CUBN: variants seen among roughly 807,000 people sequenced by gnomAD.
CUBN encodes 460 kDa receptor.
CUBN carries 282 observed loss-of-function variants against 405.3 expected under a neutral mutation model. The observed-to-expected ratio is 0.70, with a 90% CI of 0.63 to 0.77. The LOEUF is 0.77. Ranked by LOEUF, CUBN falls within the 30% of genes least tolerant of loss-of-function variation. The pLI is 0.00. For missense variants in CUBN, 4,514 were observed against 4,475.2 expected (o/e 1.01, Z -0.25); for synonymous variants, 1,684 against 1,617.0 (o/e 1.04, Z -0.99).
chr10:17,068,563 C>T (rs1361894885), intron 20 of CUBN, 42 bp downstream of exon 20: 4 of 1,503,414 alleles, frequency 2.7e-6, no homozygotes, highest in Non-Finnish European at 3.7e-6. Context: ...TATTCTGATA[C>T]AAGCCCAAGA....
At chr10:16,932,360 C>T (rs543803530) in intron 40 of CUBN, among the ~76,000 whole-genome samples, 123 of 152,256 alleles carry the variant, frequency 8.1e-4, no homozygotes, top group Non-Finnish European at 1.4e-3. Context: ...GAAATACTGA[C>T]GTGGAGGATG....
At position 16,920,029 on chromosome 10, in the gene CUBN, G is replaced by A. The variant is rs529856485; in HGVS notation, c.6755C>T (p.Ala2252Val). ...CTGTATGCGTGTTTCCGGTGGAGCC[G>A]CTAAGATCCAAATGCAATCAGCGTG... ...PPHADCIWIL[A>V]APPETRIQLQ... The change falls in exon 44 of 67, where the codon GCG (alanine) becomes GTG (valine). Residue 2252 changes from alanine to valine, a missense_variant. Transcript: ENST00000377833. 3.1e-6 allele frequency: 5 copies of A among 1,613,726 alleles called. No homozygotes were observed. The highest frequency in any genetic ancestry group is 2.2e-5 in the South Asian group (2 of 91,060).
intron 65 of CUBN, 75 bp from the exon 66 acceptor site, chr10:16,829,115 AC>A (rs1490650364): frequency 3.7e-6 from 4 of 1,087,984 alleles, no homozygotes; most frequent in Non-Finnish European, 5.5e-6. Flanking sequence ...AGGCAATAAG[AC>A]TTTATTTTCT....
chr10:17,085,173 T>C (rs1836077824), intron 16 of CUBN, among the ~76,000 whole-genome samples: 1 of 152,156 alleles, frequency 6.6e-6, no homozygotes, highest in Non-Finnish European at 1.5e-5. Context: ...TGGCTGGAAG[T>C]GAAGCTCTAG....
At chr10:16,931,660 T>C (rs982078314) in intron 40 of CUBN, among the ~76,000 whole-genome samples, 4 of 152,216 alleles carry the variant, frequency 2.6e-5, no homozygotes, top group African/African-American at 9.6e-5. Flanking sequence ...ATTTCATTTA[T>C]TACTTTCCTT....
intron 40 of CUBN, 97 bp from the exon 41 acceptor site, chr10:16,928,400 A>G (rs1842259447): frequency 2.3e-6 from 3 of 1,332,538 alleles, no homozygotes; most frequent in Non-Finnish European, 2.1e-6. Context: ...CATTTTTCTC[A>G]GAACATCAGG....
intron 32 of CUBN, among the ~76,000 whole-genome samples, chr10:16,953,157 G>C (rs1030386132): frequency 6.6e-6 from 1 of 152,148 alleles, no homozygotes; most frequent in Non-Finnish European, 1.5e-5. Flanking sequence ...TTTTACAGGC[G>C]ACTTTGGAGA....
At chr10:16,915,679 T>G in intron 46 of CUBN, 142 bp downstream of exon 46, 3 of 754,100 alleles carry the variant, frequency 4.0e-6, no homozygotes, top group Non-Finnish European at 6.9e-6. Context: ...GAATCACCAG[T>G]ACTGCCCAAA....
At chr10:17,099,566 T>C (rs552639175) in intron 14 of CUBN, among the ~76,000 whole-genome samples, 1 of 152,302 alleles carries the variant, frequency 6.6e-6, no homozygotes, top group East Asian at 1.9e-4. Context: ...AAAGTAATTA[T>C]GGTTGGTCAC....
chr10:16,979,742 G>A (rs1003760868), intron 31 of CUBN, among the ~76,000 whole-genome samples: 3 of 152,126 alleles, frequency 2.0e-5, no homozygotes, highest in Admixed American at 2.0e-4. Context: ...AAAAACCCTA[G>A]AAGAAAACCC....
At chr10:16,926,125 G>A (rs1842182647) in intron 41 of CUBN, among the ~76,000 whole-genome samples, 1 of 152,124 alleles carries the variant, frequency 6.6e-6, no homozygotes, top group Non-Finnish European at 1.5e-5. Context: ...GAGGGAGAAG[G>A]GTACTTTATT....
intron 59 of CUBN, among the ~76,000 whole-genome samples, chr10:16,867,165 T>C (rs1287652524): frequency 6.6e-6 from 1 of 152,224 alleles, no homozygotes; most frequent in African/African-American, 2.4e-5. Context: ...AGTGAAGATA[T>C]TGTTTTCCAG....
intron 36 of CUBN, among the ~76,000 whole-genome samples, chr10:16,945,202 C>CAA (rs142713817): frequency 6.9e-6 from 1 of 145,842 alleles, no homozygotes; most frequent in Non-Finnish European, 1.5e-5. Flanking sequence ...AGGAAAAGAC[C>CAA]AAAAAAAAAA....
intron 54 of CUBN, among the ~76,000 whole-genome samples, chr10:16,891,677 G>T (rs1444377445): frequency 6.6e-6 from 1 of 151,958 alleles, no homozygotes; most frequent in African/African-American, 2.4e-5. Flanking sequence ...CTCAAGGAAA[G>T]TATGCATATT....
rs375572761 is a variant in CUBN at position 17,087,683 on chromosome 10, C to G, written c.1947+481G>C. Among the ~76,000 whole-genome samples the G allele has an allele frequency of 3.2e-3, 493 of 151,890 alleles. 3 individuals are homozygous for G. The highest frequency in any genetic ancestry group is 0.021 in the Middle Eastern group (6 of 292). On this transcript the variant is annotated intron_variant, in intron 15 of 66. Transcript: ENST00000377833. ...TAGAGATGGGTTTTCACCATGTTGG[C>G]CAGGCTGTCTCCAACTCCTAACCTC... is the stretch of plus-strand genomic sequence containing the variant.
rs750045664 is a variant in CUBN, at chr10:16,851,371, T to C, written c.9527A>G (p.Asn3176Ser). ...NTFASPDSDS[N>S]GMYDKNLNCV... ...GTTTAAATTCTTGTCATACATTCCA[T>C]TCGAATCAGAATCAGGAGAGGCAAA... The change falls in exon 60 of 67, where the codon AAT (asparagine) becomes AGT (serine). Residue 3176 changes from asparagine to serine, a missense_variant. By Grantham distance (46) the Asn-to-Ser change is conservative. Coordinates refer to ENST00000377833, the MANE Select transcript of CUBN (RefSeq NM_001081.4). 1.2e-6 allele frequency: 2 copies of C among 1,614,050 alleles called. No homozygotes were observed. Among genetic ancestry groups the C allele is most frequent in the Admixed American group, 1.7e-5 (1 of 60,006 alleles).
intron 47 of CUBN, 62 bp from the exon 48 acceptor site, chr10:16,914,054 A>G (rs1459981223): frequency 1.3e-6 from 2 of 1,559,234 alleles, no homozygotes; most frequent in East Asian, 4.5e-5. Flanking sequence ...TTCCATCAAG[A>G]AAGCTCTCAA....
chr10:16,931,357 A>G (rs1221641812), intron 40 of CUBN, among the ~76,000 whole-genome samples: 1 of 152,206 alleles, frequency 6.6e-6, no homozygotes, highest in Non-Finnish European at 1.5e-5. Context: ...CAGGCACTCA[A>G]TAACTATTTC....
intron 11 of CUBN, among the ~76,000 whole-genome samples, chr10:17,105,249 T>C (rs1484521622): frequency 1.3e-5 from 2 of 152,218 alleles, no homozygotes; most frequent in African/African-American, 4.8e-5. Flanking sequence ...TTTTAGTACT[T>C]CATAAACCAC....
Sources: allele counts gnomAD v4.1 joint callset (sites outside exome capture counted in the v4.1 genomes callset), GRCh38; gene constraint gnomAD v4.1.1; transcripts MANE v1.5; gene names NCBI Gene and HGNC (gene_info 2026-07-23, HGNC 2026-07-21).